STK31: variants seen among roughly 807,000 people sequenced by gnomAD.
STK31 encodes the protein serine/threonine-protein kinase 31.
In STK31, 89 loss-of-function variants were observed where a neutral mutation model predicts 129.7. The ratio of observed to expected loss-of-function variants is 0.69; its 90% confidence interval spans 0.58 to 0.82. STK31 has a LOEUF of 0.82. Among genes scored for constraint, STK31 ranks in the 40% least tolerant of loss-of-function variants. The pLI is 0.00. For synonymous variants in STK31, 448 were observed against 395.3 expected, an observed-to-expected ratio of 1.13 and a Z score of -1.58; for missense variants, 1,187 against 1,176.4, an observed-to-expected ratio of 1.01 and a Z score of -0.13.
chr7:23,755,330 C>G (rs578202966), intron 10 of STK31: 1 of 152,232 alleles, frequency 6.6e-6, no homozygotes, highest in East Asian at 1.9e-4. Context: ...CCTTTGCCCA[C>G]TTTTTGATGG....
In STK31 at chr7:23,762,864, G is replaced by A. The variant is rs757881310; in HGVS notation, c.1357G>A (p.Glu453Lys). Residue 453 changes from glutamate to lysine, a missense_variant, in exon 11 of 24, where the codon GAA becomes AAA. This residue lies in a region of STK31 where 975 missense variants were observed against 934.9 expected (regional missense o/e 1.04). Transcript: ENST00000355870. The stretch of plus-strand genomic sequence containing the variant: ...GCAGCAGAAGCTGTACATGTCAGTA[G>A]AAGATTTTATTCTGGAAGTTGATGA... ...EMQQKLYMSV[E>K]DFILEVDESS... 8 of 1,608,752 alleles carry A rather than the reference G, an allele frequency of 5.0e-6. No individual in the cohort carries two copies. The highest frequency in any genetic ancestry group is 3.4e-5 in the Admixed American group (2 of 59,168).
At chr7:23,783,527 G>A in intron 16 of STK31, 56 bp from the exon 17 acceptor site, 2 of 1,310,248 alleles carry the variant, frequency 1.5e-6, no homozygotes, top group Non-Finnish European at 2.1e-6. Context: ...AGAGCAACAT[G>A]TCAAAATTGA....
At chr7:23,724,322 G>A (rs954538514) in intron 4 of STK31, among the ~76,000 whole-genome samples, 1 of 152,226 alleles carries the variant, frequency 6.6e-6, no homozygotes, top group African/African-American at 2.4e-5. Flanking sequence ...GCGGAAGGAG[G>A]TTGGGTAAGG....
chr7:23,711,865 T>A (rs1163940641), intron 1 of STK31, among the ~76,000 whole-genome samples: 1 of 152,230 alleles, frequency 6.6e-6, no homozygotes, highest in East Asian at 1.9e-4. Context: ...TGTAAAAGTT[T>A]GGCTAGAGAT....
At chr7:23,824,293 C>T (rs1337875754) in intron 23 of STK31, among the ~76,000 whole-genome samples, 2 of 152,148 alleles carry the variant, frequency 1.3e-5, no homozygotes, top group South Asian at 4.1e-4. Flanking sequence ...GTTTGTAGTT[C>T]TCCTTGGAGA....
chr7:23,730,856 T>TTATATATATATATA lies in STK31; in HGVS notation c.483+1617_483+1630dup, dbSNP rs201160478. Reference sequence around the variant, plus strand: ...TATATATGGTACTGTATATAAACATTTATATATATATATATATATATATTT... The same window carrying TTATATATATATATA: ...TATATATGGTACTGTATATAAACATTTATATATATATATATATATATATATATATATATATATTT... On this transcript the variant is annotated intron_variant, in intron 6 of 23. Coordinates refer to ENST00000355870, the MANE Select transcript of STK31 (RefSeq NM_031414.5). 2.1e-4 allele frequency among the ~76,000 whole-genome samples: 16 copies of TTATATATATATATA among 75,232 alleles called. 1 individual carries two copies. The highest frequency in any genetic ancestry group is 1.6e-3 in the South Asian group (3 of 1,854). The allele number at this position is 75,232 out of a possible 152,430, so 49.4% of individuals were successfully genotyped here.
At chr7:23,731,720 G>T (rs942824923) in intron 6 of STK31, among the ~76,000 whole-genome samples, 5 of 152,168 alleles carry the variant, frequency 3.3e-5, no homozygotes, top group African/African-American at 9.7e-5. Flanking sequence ...AAGATCGAGA[G>T]AATATTACAT....
intron 11 of STK31, 132 bp downstream of exon 11, chr7:23,763,055 TTTC>T: frequency 1.3e-6 from 1 of 771,868 alleles, no homozygotes; most frequent in Non-Finnish European, 1.9e-6. Flanking sequence ...TGAATTCTGA[TTTC>T]TTTTTAATGG....
intron 22 of STK31, among the ~76,000 whole-genome samples, chr7:23,806,975 C>G (rs1792754988): frequency 6.6e-6 from 1 of 150,508 alleles, no homozygotes; most frequent in Non-Finnish European, 1.5e-5. Context: ...CTTCCCTGTA[C>G]AGGAATTTCG....
chr7:23,818,864 A>C (rs1228484788), intron 23 of STK31, among the ~76,000 whole-genome samples: 1 of 152,134 alleles, frequency 6.6e-6, no homozygotes, highest in Non-Finnish European at 1.5e-5. Flanking sequence ...ACCTCAAGTG[A>C]TCCACCTGCC....
At chr7:23,721,349 A>G in intron 4 of STK31, 1 of 764,716 alleles carries the variant, frequency 1.3e-6, no homozygotes, top group Non-Finnish European at 2.3e-6. Context: ...TTAAAGATTC[A>G]GGAAGGGGCA....
intron 11 of STK31, among the ~76,000 whole-genome samples, chr7:23,767,618 T>C (rs139112498): frequency 6.6e-6 from 1 of 152,264 alleles, no homozygotes; most frequent in East Asian, 1.9e-4. Flanking sequence ...GGAAAGAGAA[T>C]GGTCAGGGGC....
intron 18 of STK31, 80 bp from the exon 19 acceptor site, chr7:23,786,428 T>G: frequency 1.5e-6 from 2 of 1,318,178 alleles, no homozygotes; most frequent in Non-Finnish European, 2.0e-6. Context: ...AAATAATGAA[T>G]TATGTTTAAA....
chr7:23,817,519 T>C (rs1218214665), intron 23 of STK31, among the ~76,000 whole-genome samples: 3 of 152,248 alleles, frequency 2.0e-5, no homozygotes, highest in Non-Finnish European at 4.4e-5. Context: ...TGTTCACACA[T>C]AGCTGCAAAA....
chr7:23,804,300 A>G (rs1489426406), intron 22 of STK31, among the ~76,000 whole-genome samples: 1 of 151,920 alleles, frequency 6.6e-6, no homozygotes, highest in Non-Finnish European at 1.5e-5. Flanking sequence ...CTGTTACCAT[A>G]TTATACACTT....
rs537959646 is a variant in STK31 at position 23,794,949 on chromosome 7, A to G, written c.2760+4003A>G. On this transcript the variant is annotated intron_variant, in intron 22 of 23. Coordinates refer to ENST00000355870, the MANE Select transcript of STK31 (RefSeq NM_031414.5). ...AATTGGAACTTATGTTTAAAAGGGA[A>G]GCAGAGCATAAAAGTTAGGAAAATT... is the stretch of plus-strand genomic sequence containing the variant. 2.6e-3 allele frequency among the ~76,000 whole-genome samples: 393 copies of G among 152,368 alleles called. 2 individuals are homozygous for G. Among genetic ancestry groups the G allele is most frequent in the African/African-American group, 9.1e-3 (379 of 41,588 alleles).
intron 23 of STK31, among the ~76,000 whole-genome samples, chr7:23,829,553 A>G (rs919935216): frequency 5.9e-5 from 9 of 152,034 alleles, no homozygotes; most frequent in African/African-American, 1.7e-4. Context: ...AAAATTTTGC[A>G]TCTGTGTTCA....
At chr7:23,737,774 G>A (rs1447054878) in intron 8 of STK31, among the ~76,000 whole-genome samples, 1 of 152,082 alleles carries the variant, frequency 6.6e-6, no homozygotes, top group Non-Finnish European at 1.5e-5. Context: ...CTCCACGTGT[G>A]TCTTCTTTTA....
chr7:23,798,803 AGTCT>A (rs2128119134), intron 22 of STK31, among the ~76,000 whole-genome samples: 1 of 152,352 alleles, frequency 6.6e-6, no homozygotes, highest in African/African-American at 2.4e-5. Context: ...AGACAGTCAA[AGTCT>A]GTCTGTGTGC....
Sources: allele counts gnomAD v4.1 joint callset (sites outside exome capture counted in the v4.1 genomes callset), GRCh38; gene constraint gnomAD v4.1.1; regional missense constraint gnomAD v4.1.1; transcripts MANE v1.5; gene names NCBI Gene and HGNC (gene_info 2026-07-23, HGNC 2026-07-21).